CAPN14: variants seen among roughly 807,000 people sequenced by gnomAD.
CAPN14 encodes the protein calpain 14.
In CAPN14, 94 loss-of-function variants were observed where a neutral mutation model predicts 101.3. The observed-to-expected ratio is 0.93, with a 90% CI of 0.79 to 1.10. The LOEUF (loss-of-function observed/expected upper bound fraction) is 1.10, where lower values mean the gene tolerates loss of function less well. Among genes scored for constraint, CAPN14 ranks in the 50% least tolerant of loss-of-function variants. CAPN14 has a pLI of 0.00. For missense variants in CAPN14, 837 were observed against 828.4 expected (o/e 1.01, Z -0.13); for synonymous variants, 338 against 317.9 (o/e 1.06, Z -0.67).
At chr2:31,212,312 C>CAAAAAAAAAAAA (rs72155600) in intron 1 of CAPN14, among the ~76,000 whole-genome samples, 2 of 110,430 alleles carry the variant, frequency 1.8e-5, no homozygotes, top group African/African-American at 3.9e-5. Context: ...CGTCTCAAAA[C>CAAAAAAAAAAAA]AAAAAAAAAA....
At chr2:31,194,904 T>C (rs1017372720) in intron 8 of CAPN14, among the ~76,000 whole-genome samples, 2 of 152,100 alleles carry the variant, frequency 1.3e-5, no homozygotes, top group African/African-American at 4.8e-5. Flanking sequence ...GAAATAAAAA[T>C]GGGACAAAAT....
intron 2 of CAPN14, among the ~76,000 whole-genome samples, chr2:31,204,833 A>C (rs1681986690): frequency 1.3e-5 from 2 of 152,248 alleles, no homozygotes; most frequent in East Asian, 3.9e-4. Flanking sequence ...CTAGCAAATT[A>C]ATCAAACCCA....
intron 7 of CAPN14, among the ~76,000 whole-genome samples, 196 bp from the exon 8 acceptor site, chr2:31,197,530 T>C (rs1681529889): frequency 6.6e-6 from 1 of 152,208 alleles, no homozygotes; most frequent in Non-Finnish European, 1.5e-5. Context: ...AACCTCTCTG[T>C]GTCTCCATTT....
upstream of CAPN14, among the ~76,000 whole-genome samples, chr2:31,220,033 C>T (rs72786919): frequency 7.1e-3 from 1,074 of 152,302 alleles, 10 homozygotes; most frequent in Admixed American, 0.019. Context: ...CTCATTCCTT[C>T]AGGGCACGGG....
intron 1 of CAPN14, among the ~76,000 whole-genome samples, chr2:31,209,711 A>G (rs1185684690): frequency 6.6e-6 from 1 of 152,194 alleles, no homozygotes; most frequent in African/African-American, 2.4e-5. Flanking sequence ...GGTGGGTCTC[A>G]GTGATATTTC....
chr2:31,180,833 C>A, intron 17 of CAPN14, 103 bp downstream of exon 17: 1 of 985,544 alleles, frequency 1.0e-6, no homozygotes, highest in East Asian at 2.6e-5. Context: ...CAGGATCCCA[C>A]AATTAGCAAG....
chr2:31,230,448 A>G lies in CAPN14; in HGVS notation c.-177+3343T>C, dbSNP rs1347167336. Among the ~76,000 whole-genome samples the G allele has an allele frequency of 2.6e-5, 4 of 152,182 alleles. No homozygotes were observed. Among genetic ancestry groups the G allele is most frequent in the Admixed American group, 2.6e-4 (4 of 15,268 alleles). On this transcript the variant is annotated intron_variant and NMD_transcript_variant, in intron 1 of 21. Transcript: ENST00000398824. The surrounding 1 kb of genome is among the most constrained non-coding windows in gnomAD (Gnocchi z 4.3). ...CTAAGCAATGCCAAACTGTTTCCCAAAGTATTTGTGCCAGCCTGCACGCCC... is the reference window on the plus strand; with the variant it reads ...CTAAGCAATGCCAAACTGTTTCCCAGAGTATTTGTGCCAGCCTGCACGCCC...
chr2:31,206,197 G>A (rs1379542219), intron 1 of CAPN14, among the ~76,000 whole-genome samples: 22 of 151,910 alleles, frequency 1.4e-4, no homozygotes, highest in Non-Finnish European at 1.5e-5. Flanking sequence ...GGTGCTGGGG[G>A]CCAGCAGCTC....
Position 31,177,259 on chromosome 2 carries a change from A to G in CAPN14, c.1856-117T>C, listed in dbSNP as rs1680351857. The G allele has an allele frequency of 4.7e-6, 3 of 637,018 alleles. No individual in the cohort carries two copies. In the Admixed American group the frequency reaches 9.0e-5, roughly 19 times the overall value. The allele number at this position is 637,018 out of a possible 1,614,324, so 39.5% of individuals were successfully genotyped here. The stretch of plus-strand genomic sequence containing the variant: ...AGGGACCTGAATCCTGATAGCATGG[A>G]AATCTTCTTTTATAGGGTTCATTTT... On this transcript the variant is annotated intron_variant, in intron 19 of 21. Transcript: ENST00000403897.
intron 7 of CAPN14, among the ~76,000 whole-genome samples, chr2:31,199,198 C>A (rs1681625893): frequency 6.6e-6 from 1 of 152,116 alleles, no homozygotes; most frequent in South Asian, 2.1e-4. Flanking sequence ...CAGAGTGAAG[C>A]AAAGTTCAAG....
At chr2:31,183,424 C>T (rs909968645) in intron 16 of CAPN14, among the ~76,000 whole-genome samples, 3 of 152,034 alleles carry the variant, frequency 2.0e-5, no homozygotes, top group South Asian at 2.1e-4. Context: ...AGAAAATTTT[C>T]GCAACCTACT....
At chr2:31,199,003 T>G (rs1003497208) in intron 7 of CAPN14, among the ~76,000 whole-genome samples, 4 of 152,242 alleles carry the variant, frequency 2.6e-5, no homozygotes, top group Non-Finnish European at 5.9e-5. Flanking sequence ...CATTTTCAGA[T>G]ATGGTTTGTG....
intron 14 of CAPN14, 28 bp downstream of exon 14, chr2:31,188,290 C>A (rs757306645): frequency 2.1e-5 from 33 of 1,548,354 alleles, no homozygotes; most frequent in Admixed American, 7.8e-5. Context: ...GCAGTCCCAG[C>A]CATATGGAAT....
intron 15 of CAPN14, among the ~76,000 whole-genome samples, chr2:31,187,153 C>T (rs1378528795): frequency 6.6e-6 from 1 of 152,182 alleles, no homozygotes; most frequent in South Asian, 2.1e-4. Flanking sequence ...CCCAGATTTC[C>T]AGTATGTTTC....
At chr2:31,203,239 G>A in intron 2 of CAPN14, 100 bp from the exon 3 acceptor site, 1 of 855,500 alleles carries the variant, frequency 1.2e-6, no homozygotes, top group Middle Eastern at 2.2e-4. Flanking sequence ...GTACTTATGG[G>A]GACAAAGATA....
Position 31,202,141 on chromosome 2 carries a change from C to T in CAPN14, c.407G>A (p.Arg136Gln), listed in dbSNP as rs368305645. 2.3e-5 allele frequency: 35 copies of T among 1,551,686 alleles called. No homozygotes were observed. Among genetic ancestry groups the T allele is most frequent in the South Asian group, 1.9e-4 (16 of 84,066 alleles). ...ACCCGGGAAGACACTCACCCAGAAC[C>T]GGAAGATGCCAGCATACTTCTCAGT... ...SFTEKYAGIF[R>Q]FWFWHYGNWV... is the part of the protein sequence containing the mutation. The change falls in exon 4 of 22, where the codon CGG (arginine) becomes CAG (glutamine). Residue 136 changes from arginine (R) to glutamine (Q), a missense_variant. Arg to Gln is a conservative substitution (Grantham distance 43). Coordinates refer to ENST00000403897, the MANE Select transcript of CAPN14 (RefSeq NM_001145122.2).
At chr2:31,222,747 T>C (rs1682896950) in intron 2 of CAPN14, among the ~76,000 whole-genome samples, 1 of 152,150 alleles carries the variant, frequency 6.6e-6, no homozygotes, top group South Asian at 2.1e-4. Context: ...GATATCCAAG[T>C]GAAAGTGTCA....
rs551606657 is a variant in CAPN14 at position 31,174,602 on chromosome 2, G to C, written c.*79C>G. ...TCCTGAAGATCAGTAAGTAGGGTGGGCATGGGTTGGTCTCAGCCAAAGGCT... is the reference window on the plus strand; with the variant it reads ...TCCTGAAGATCAGTAAGTAGGGTGGCCATGGGTTGGTCTCAGCCAAAGGCT... On this transcript the variant is annotated 3_prime_UTR_variant, in exon 22 of 22. Coordinates refer to ENST00000403897, the MANE Select transcript of CAPN14 (RefSeq NM_001145122.2). The C allele has an allele frequency of 7.0e-7, 1 of 1,433,020 alleles. No homozygotes were observed. Among genetic ancestry groups the C allele is most frequent in the East Asian group, 2.5e-5 (1 of 40,326 alleles). 88.8% of individuals were successfully genotyped at this position (1,433,020 alleles called of 1,614,324 possible). A position where few individuals can be genotyped will look rare whatever the true frequency, so the allele number is the denominator to read the frequency against.
intron 8 of CAPN14, 54 bp from the exon 9 acceptor site, chr2:31,194,537 T>C (rs548018224): frequency 1.1e-5 from 13 of 1,183,346 alleles, no homozygotes; most frequent in Non-Finnish European, 1.6e-5. Context: ...AGAAATTCTT[T>C]AGTAAAGGCT....
Sources: allele counts gnomAD v4.1 joint callset (sites outside exome capture counted in the v4.1 genomes callset), GRCh38; gene constraint gnomAD v4.1.1; non-coding constraint Gnocchi (gnomAD v3.1); transcripts MANE v1.5; gene names NCBI Gene and HGNC (gene_info 2026-07-23, HGNC 2026-07-21).